Variants in EXTL3 observed in about 807,000 individuals in gnomAD.
EXTL3 encodes exostosin like glycosyltransferase 3, also known as exostosin-like 3.
A neutral mutation model predicts 69.3 loss-of-function variants in EXTL3; 27 were observed. The observed-to-expected ratio is 0.39, with a 90% confidence interval of 0.29 to 0.54. EXTL3 has a LOEUF of 0.54. Among genes scored for constraint, EXTL3 ranks in the 20% least tolerant of loss-of-function variants. The probability of loss-of-function intolerance (pLI) is 0.69; values close to 1 mark genes in which losing one functional copy is unlikely to be tolerated. For synonymous variants in EXTL3, 511 were observed against 499.4 expected, an observed-to-expected ratio of 1.02 and a Z score of -0.31; for missense variants, 1,003 against 1,231.8, an observed-to-expected ratio of 0.81 and a Z score of 2.78.
chr8:28,747,682 T>C (rs996513877), intron 6 of EXTL3, among the ~76,000 whole-genome samples: 6 of 151,980 alleles, frequency 3.9e-5, no homozygotes, highest in South Asian at 2.1e-4. Context: ...CATATATATA[T>C]ACACATATGT....
intron 3 of EXTL3, among the ~76,000 whole-genome samples, chr8:28,727,786 C>T (rs986208631): frequency 1.1e-4 from 17 of 152,162 alleles, no homozygotes; most frequent in Non-Finnish European, 1.3e-4. Flanking sequence ...ACAGGAATCC[C>T]CCAGGGGCAT....
intron 1 of EXTL3, among the ~76,000 whole-genome samples, chr8:28,661,221 CA>C (rs1248676261): frequency 6.6e-6 from 1 of 151,860 alleles, no homozygotes; most frequent in African/African-American, 2.4e-5. Flanking sequence ...TGTTTACATA[CA>C]ATAAAGTCTA....
intron 5 of EXTL3, chr8:28,742,460 T>G (rs1801799869): frequency 6.2e-6 from 1 of 161,594 alleles, no homozygotes; most frequent in Admixed American, 5.8e-5. Context: ...GGGTGATATG[T>G]TCAGTTGGTT....
rs1807355850 is a variant in EXTL3 at position 28,674,961 on chromosome 8, ACTC to A, written c.-52-38492_-52-38490del. On this transcript the variant is annotated intron_variant, in intron 1 of 6. Coordinates refer to the EXTL3 transcript ENST00000523149. ...TGAACTCCTCAGGACCCACCCCACC[ACTC>A]CTCTTTGTTAGACTTCAGTCCAGCA... Among the ~76,000 whole-genome samples the A allele has an allele frequency of 2.6e-5, 4 of 151,342 alleles. No individual in the cohort carries two copies. In the South Asian group the frequency reaches 8.4e-4, roughly 32 times the overall value.
chr8:28,736,079 A>T (rs551784535), intron 4 of EXTL3, among the ~76,000 whole-genome samples: 245 of 152,272 alleles, frequency 1.6e-3, no homozygotes, highest in Middle Eastern at 0.01. Context: ...GATGGCAGGG[A>T]TGGTTGCACG....
intron 6 of EXTL3, among the ~76,000 whole-genome samples, chr8:28,744,654 C>T (rs888922856): frequency 2.0e-5 from 3 of 152,148 alleles, no homozygotes; most frequent in Non-Finnish European, 4.4e-5. Flanking sequence ...ATTAGCCAGG[C>T]GTGGTGGCAC....
intron 1 of EXTL3, among the ~76,000 whole-genome samples, chr8:28,703,402 A>G (rs1162495158): frequency 2.1e-5 from 3 of 143,592 alleles, no homozygotes; most frequent in African/African-American, 8.1e-5. Context: ...TTAAGGGAAC[A>G]GTTTGGAGAG....
At chr8:28,749,249 C>G (rs1801953401) in intron 6 of EXTL3, among the ~76,000 whole-genome samples, 1 of 151,490 alleles carries the variant, frequency 6.6e-6, no homozygotes, top group African/African-American at 2.4e-5. Context: ...ATTAGATAGA[C>G]TATAAAACAA....
At chr8:28,718,878 G>A (rs951067686) in intron 3 of EXTL3, among the ~76,000 whole-genome samples, 4 of 152,174 alleles carry the variant, frequency 2.6e-5, no homozygotes, top group Non-Finnish European at 4.4e-5. Context: ...TCCATCTCAT[G>A]GTTAAGTGCT....
chr8:28,737,693 A>G, intron 5 of EXTL3, 30 bp downstream of exon 5: 1 of 1,613,244 alleles, frequency 6.2e-7, no homozygotes, highest in Non-Finnish European at 8.5e-7. Context: ...AATGGCATCG[A>G]CTTGGTGAGA....
chr8:28,680,932 C>T (rs1340453415), intron 1 of EXTL3, among the ~76,000 whole-genome samples: 4 of 152,058 alleles, frequency 2.6e-5, no homozygotes, highest in Non-Finnish European at 1.5e-5. Context: ...GGCTGGAGTG[C>T]GGTGACACGA....
rs934606663 is a variant in EXTL3, at chr8:28,716,947, C to G, written c.888C>G (p.Ala296=). ...TCTATAACGTCAGTACTGGCCGTGCCATGGTGGCCCAGTCCACCTTCTACA... is the reference window on the plus strand; with the variant it reads ...TCTATAACGTCAGTACTGGCCGTGCGATGGTGGCCCAGTCCACCTTCTACA... ...NLLYNVSTGR[A]MVAQSTFYTV... The change falls in exon 3 of 7, where the codon GCC becomes GCG. Residue 296 remains alanine (A), a synonymous_variant. Transcript: ENST00000220562. The surrounding 1 kb of genome is among the most constrained non-coding windows in gnomAD (Gnocchi z 7.1). 6.2e-7 allele frequency: 1 copy of G among 1,614,228 alleles called. No individual in the cohort carries two copies. Among genetic ancestry groups the G allele is most frequent in the Non-Finnish European group, 8.5e-7 (1 of 1,180,038 alleles).
At chr8:28,649,989 G>C (rs1253578316) in intron 1 of EXTL3, among the ~76,000 whole-genome samples, 8 of 151,962 alleles carry the variant, frequency 5.3e-5, no homozygotes, top group Admixed American at 4.6e-4. Flanking sequence ...CTGAGGTCAG[G>C]ATTTGAGACC....
chr8:28,719,729 G>C (rs527591935), intron 3 of EXTL3, among the ~76,000 whole-genome samples: 1 of 152,192 alleles, frequency 6.6e-6, no homozygotes, highest in African/African-American at 2.4e-5. Context: ...AATTAAGAAA[G>C]CATTTGCTCT....
intron 4 of EXTL3, among the ~76,000 whole-genome samples, chr8:28,735,811 G>C (rs945303497): frequency 6.6e-6 from 1 of 152,182 alleles, no homozygotes; most frequent in Non-Finnish European, 1.5e-5. Flanking sequence ...GGACAGAAAA[G>C]GTATACCAAG....
At chr8:28,690,035 T>TG (rs895543061) in intron 1 of EXTL3, among the ~76,000 whole-genome samples, 4 of 152,254 alleles carry the variant, frequency 2.6e-5, no homozygotes, top group East Asian at 1.9e-4. Context: ...ATTGCATCCC[T>TG]GGGGGGCTAC....
chr8:28,662,231 A>G (rs1176386912), intron 1 of EXTL3, among the ~76,000 whole-genome samples: 3 of 151,632 alleles, frequency 2.0e-5, no homozygotes, highest in African/African-American at 7.3e-5. Flanking sequence ...TTTTTTTTCT[A>G]AATTTGAATT....
At chr8:28,639,954 G>A (rs1398182265) in intron 1 of EXTL3, among the ~76,000 whole-genome samples, 1 of 152,142 alleles carries the variant, frequency 6.6e-6, no homozygotes, top group Non-Finnish European at 1.5e-5. Flanking sequence ...AATACAATTA[G>A]CCAAGTGTGG....
intron 1 of EXTL3, among the ~76,000 whole-genome samples, chr8:28,669,143 C>T: frequency 6.6e-6 from 1 of 152,198 alleles, no homozygotes; most frequent in Admixed American, 6.5e-5. Context: ...GGATTACAGG[C>T]ATAAGTCACT....
Sources: allele counts gnomAD v4.1 joint callset (sites outside exome capture counted in the v4.1 genomes callset), GRCh38; gene constraint gnomAD v4.1.1; non-coding constraint Gnocchi (gnomAD v3.1); transcripts MANE v1.5; gene names NCBI Gene and HGNC (gene_info 2026-07-23, HGNC 2026-07-21).